The following RYR3 variants were observed in gnomAD, a reference collection of about 807,000 sequenced individuals.
RYR3 encodes the protein brain ryanodine receptor-calcium release channel.
Under a neutral mutation model 584.3 loss-of-function variants are expected in RYR3, and 207 were observed. That is an observed-to-expected ratio of 0.35 (90% CI 0.32 to 0.40). The LOEUF (loss-of-function observed/expected upper bound fraction) is 0.40, where lower values mean the gene tolerates loss of function less well. RYR3 is among the 10% of genes least tolerant of loss of function. The pLI is 1.00. For synonymous variants in RYR3, 2,416 were observed against 2,248.5 expected (o/e 1.07, Z -2.11); for missense variants, 5,616 against 6,089.2 (o/e 0.92, Z 2.59).
intron 1 of RYR3, among the ~76,000 whole-genome samples, chr15:33,411,026 C>A (rs1286659073): frequency 6.6e-6 from 1 of 152,152 alleles, no homozygotes; most frequent in Non-Finnish European, 1.5e-5. Flanking sequence ...TTCATTATCT[C>A]CACCTGGCTC....
chr15:33,375,414 T>C (rs566759354), intron 1 of RYR3, among the ~76,000 whole-genome samples: 2 of 152,246 alleles, frequency 1.3e-5, no homozygotes, highest in East Asian at 1.9e-4. Context: ...GGGAGAGATA[T>C]GGGGAGGAAG....
chr15:33,579,880 C>A, intron 12 of RYR3, 96 bp from the exon 13 acceptor site: 1 of 854,874 alleles, frequency 1.2e-6, no homozygotes, highest in Non-Finnish European at 1.7e-6. Flanking sequence ...ACTCATGGTG[C>A]ACCGTGGGGG....
At chr15:33,558,179 G>A (rs1465535867) in intron 10 of RYR3, among the ~76,000 whole-genome samples, 1 of 152,028 alleles carries the variant, frequency 6.6e-6, no homozygotes, top group African/African-American at 2.4e-5. Context: ...CACTTGCTAT[G>A]TTGGTGTGCT....
At chr15:33,333,576 C>T (rs1970617703) in intron 1 of RYR3, among the ~76,000 whole-genome samples, 1 of 152,098 alleles carries the variant, frequency 6.6e-6, no homozygotes, top group African/African-American at 2.4e-5. Flanking sequence ...ATGACAAACC[C>T]ACAGCCAACA....
intron 43 of RYR3, among the ~76,000 whole-genome samples, chr15:33,716,765 G>A (rs1334411432): frequency 2.0e-5 from 3 of 152,066 alleles, no homozygotes; most frequent in East Asian, 1.9e-4. Flanking sequence ...GGACTCAAAA[G>A]TCCAGAACCT....
At chr15:33,312,387 A>G (rs1471413536) in intron 1 of RYR3, among the ~76,000 whole-genome samples, 1 of 150,232 alleles carries the variant, frequency 6.7e-6, no homozygotes, top group Admixed American at 6.6e-5. Context: ...TGGGGGGGGT[A>G]TGGAAGTACC....
chr15:33,559,201 T>C (rs985972489), intron 10 of RYR3, among the ~76,000 whole-genome samples: 3 of 152,118 alleles, frequency 2.0e-5, no homozygotes, highest in African/African-American at 7.2e-5. Context: ...TGGCTAGCCC[T>C]GGAAAGGACA....
In RYR3 at chr15:33,608,920, G is replaced by T. The variant is rs76759468; in HGVS notation, c.2165-4263G>T. On this transcript the variant is annotated intron_variant, in intron 18 of 103. Coordinates refer to ENST00000634891, the MANE Select transcript of RYR3 (RefSeq NM_001036.6). Reference sequence around the variant, plus strand: ...AAATTCTCCCAGCCATATTTCCTCTGGAGGGCATATGGCAGCTATGGCTAA... The same window carrying T: ...AAATTCTCCCAGCCATATTTCCTCTTGAGGGCATATGGCAGCTATGGCTAA... Among the ~76,000 whole-genome samples, 314 of 152,346 alleles carry T rather than the reference G, an allele frequency of 2.1e-3. 7 individuals are homozygous for T. In the East Asian group the frequency reaches 0.049, roughly 24 times the overall value.
At position 33,636,563 on chromosome 15, in the gene RYR3, C is replaced by A. The variant is rs768435627; in HGVS notation, c.3556+13C>A. 1.3e-6 allele frequency: 2 copies of A among 1,561,772 alleles called. No individual in the cohort carries two copies. The highest frequency in any genetic ancestry group is 1.7e-6 in the Non-Finnish European group (2 of 1,156,668). On this transcript the variant is annotated intron_variant, in intron 27 of 103. Coordinates refer to ENST00000634891, the MANE Select transcript of RYR3 (RefSeq NM_001036.6). ...GAGATTGAGAATGGTAAATCTAACACCCTCTGCCAACCCCAGCTCCATGAG... is the reference window on the plus strand; with the variant it reads ...GAGATTGAGAATGGTAAATCTAACAACCTCTGCCAACCCCAGCTCCATGAG...
intron 67 of RYR3, among the ~76,000 whole-genome samples, chr15:33,793,299 C>T (rs150428106): frequency 2.0e-5 from 3 of 152,222 alleles, no homozygotes; most frequent in African/African-American, 4.8e-5. Flanking sequence ...GCATCTCATA[C>T]GAGCTTTTGT....
chr15:33,438,416 G>T (rs1406775398), intron 1 of RYR3, among the ~76,000 whole-genome samples: 1 of 151,974 alleles, frequency 6.6e-6, no homozygotes, highest in Non-Finnish European at 1.5e-5. Context: ...TGCAGTATTT[G>T]TCTTGATGTG....
intron 1 of RYR3, among the ~76,000 whole-genome samples, chr15:33,355,026 A>G (rs1376754528): frequency 6.6e-6 from 1 of 152,146 alleles, no homozygotes. Flanking sequence ...TCTACTAAAA[A>G]TACAAAAATT....
At chr15:33,425,273 C>T (rs1216889665) in intron 1 of RYR3, among the ~76,000 whole-genome samples, 1 of 152,172 alleles carries the variant, frequency 6.6e-6, no homozygotes, top group South Asian at 2.1e-4. Flanking sequence ...AATGTTCTTG[C>T]TTGTCCTGTG....
chr15:33,699,654 A>G (rs1298247400), intron 40 of RYR3, 50 bp from the exon 41 acceptor site: 1 of 1,570,654 alleles, frequency 6.4e-7, no homozygotes, highest in Non-Finnish European at 8.7e-7. Context: ...GTTTTCAGAA[A>G]GGCCTCATGA....
intron 26 of RYR3, 103 bp from the exon 27 acceptor site, chr15:33,636,273 G>A (rs1390698418): frequency 5.0e-6 from 5 of 992,452 alleles, no homozygotes; most frequent in African/African-American, 4.9e-5. Flanking sequence ...TAGAAATCAT[G>A]TAACCACTAC....
chr15:33,710,024 T>C (rs1012519984), intron 43 of RYR3, among the ~76,000 whole-genome samples: 1 of 152,162 alleles, frequency 6.6e-6, no homozygotes, highest in African/African-American at 2.4e-5. Flanking sequence ...TCTAAATTAT[T>C]ATGGTGTTGG....
chr15:33,694,291 CTGGAGTGCAGT>C (rs1206734687), intron 38 of RYR3, among the ~76,000 whole-genome samples: 1 of 151,494 alleles, frequency 6.6e-6, no homozygotes, highest in Non-Finnish European at 1.5e-5. Context: ...TGTCGCCCAG[CTGGAGTGCAGT>C]GGTGCAATCT....
At chr15:33,572,668 C>T (rs2058090824) in intron 12 of RYR3, among the ~76,000 whole-genome samples, 1 of 133,956 alleles carries the variant, frequency 7.5e-6, no homozygotes, top group African/African-American at 2.5e-5. Context: ...TACACACACA[C>T]ACACACACAC....
Position 33,840,264 on chromosome 15 carries a change from G to A in RYR3, c.12979-561G>A, listed in dbSNP as rs193045468. Among the ~76,000 whole-genome samples the A allele has an allele frequency of 5.7e-4, 87 of 152,302 alleles. 1 individual carries two copies. The highest frequency in any genetic ancestry group is 1.9e-3 in the Admixed American group (29 of 15,298). ...CTTTGGAATTACTCCTGGAATGATC[G>A]GGAATGTTCCAGGAAGTCTGCGTGT... On this transcript the variant is annotated intron_variant, in intron 89 of 103. Transcript: ENST00000634891.
Sources: gnomAD v4.1 joint callset for allele counts (sites outside exome capture counted in the v4.1 genomes callset) on GRCh38, gnomAD v4.1.1 for gene constraint, MANE v1.5 for transcripts, NCBI Gene and HGNC (gene_info 2026-07-23, HGNC 2026-07-21) for gene names.